MERTK: variants seen among roughly 807,000 people sequenced by gnomAD.
The protein encoded by MERTK is MER proto-oncogene, tyrosine kinase, also known as tyrosine-protein kinase Mer.
In MERTK, 69 loss-of-function variants were observed where a neutral mutation model predicts 99.3. The observed-to-expected ratio is 0.70, with a 90% CI of 0.57 to 0.85. The LOEUF (loss-of-function observed/expected upper bound fraction) is 0.85, where lower values mean the gene tolerates loss of function less well. Ranked by LOEUF, MERTK falls within the 40% of genes least tolerant of loss-of-function variation. MERTK has a pLI of 0.00. For missense variants in MERTK, 1,125 were observed against 1,249.4 expected (o/e 0.90, Z 1.50); for synonymous variants, 426 against 467.6 (o/e 0.91, Z 1.15).
intron 9 of MERTK, 150 bp from the exon 10 acceptor site, chr2:111,997,173 C>A (rs1172851217): frequency 1.3e-5 from 12 of 917,000 alleles, no homozygotes; most frequent in Non-Finnish European, 1.6e-5. Flanking sequence ...CGCATGGTCT[C>A]AGCTTACACA....
At position 111,939,654 on chromosome 2, in the gene MERTK, A is replaced by ATTT. The variant is rs1184269274; in HGVS notation, c.483-5280_483-5278dup. ...TGCCACCATGCCCAGCTAATTTTTAATTTTTTTTTTTTTTTTTTTTTTTTT... is the reference window on the plus strand; with the variant it reads ...TGCCACCATGCCCAGCTAATTTTTAATTTTTTTTTTTTTTTTTTTTTTTTTTTT... On this transcript the variant is annotated intron_variant, in intron 2 of 18. Coordinates refer to ENST00000295408, the MANE Select transcript of MERTK (RefSeq NM_006343.3). 3.2e-3 allele frequency among the ~76,000 whole-genome samples: 286 copies of ATTT among 88,258 alleles called. 18 individuals carry two copies. The highest frequency in any genetic ancestry group is 0.011 in the African/African-American group (232 of 21,832). The allele number at this position is 88,258 out of a possible 152,430, so 57.9% of individuals were successfully genotyped here. A position where few individuals can be genotyped will look rare whatever the true frequency, so the allele number is the denominator to read the frequency against.
intron 15 of MERTK, among the ~76,000 whole-genome samples, chr2:112,014,541 GC>G (rs931400600): frequency 4.8e-5 from 5 of 103,544 alleles, no homozygotes; most frequent in African/African-American, 1.5e-4. Flanking sequence ...GCATTTTGTA[GC>G]AAAAAAGATT....
intron 1 of MERTK, among the ~76,000 whole-genome samples, chr2:111,899,769 G>A (rs1684010220): frequency 6.6e-6 from 1 of 152,072 alleles, no homozygotes; most frequent in Non-Finnish European, 1.5e-5. Context: ...GCTCTCCTTG[G>A]CCTCCCAAAG....
At chr2:111,972,937 T>C (rs1676153385) in intron 6 of MERTK, among the ~76,000 whole-genome samples, 1 of 152,202 alleles carries the variant, frequency 6.6e-6, no homozygotes, top group Non-Finnish European at 1.5e-5. Context: ...TGTAAAATTA[T>C]AATTTTAAAC....
chr2:111,910,647 A>G (rs1471616273), intron 1 of MERTK, among the ~76,000 whole-genome samples: 7 of 151,612 alleles, frequency 4.6e-5, no homozygotes, highest in Non-Finnish European at 1.5e-5. Context: ...ATACTATTAA[A>G]TATTTAGCCA....
intron 16 of MERTK, 80 bp from the exon 17 acceptor site, chr2:112,021,341 GT>G: frequency 6.3e-7 from 1 of 1,595,140 alleles, no homozygotes; most frequent in South Asian, 1.1e-5. Context: ...TATCATAAGT[GT>G]TTTCACCTGT....
rs759796576 is a variant in MERTK, at chr2:111,983,000, C to G, written c.1296+7C>G. 1.6e-5 allele frequency: 26 copies of G among 1,609,796 alleles called. No homozygotes were observed. Among genetic ancestry groups the G allele is most frequent in the East Asian group, 2.2e-5 (1 of 44,856 alleles). On this transcript the variant is annotated splice_region_variant and intron_variant, in intron 8 of 18. Coordinates refer to ENST00000295408, the MANE Select transcript of MERTK (RefSeq NM_006343.3). ...GCAGAGTGCAGGGATTTCCGTAAGT[C>G]TAAACCCTAGAAGAGCACGATTAGT... is the stretch of plus-strand genomic sequence containing the variant.
intron 1 of MERTK, among the ~76,000 whole-genome samples, chr2:111,918,878 G>A (rs1466459268): frequency 6.6e-6 from 1 of 152,188 alleles, no homozygotes; most frequent in Admixed American, 6.5e-5. Context: ...CTGGTGAGCT[G>A]GAGGGTATGT....
intron 3 of MERTK, among the ~76,000 whole-genome samples, chr2:111,945,467 G>T (rs1016350241): frequency 6.6e-6 from 1 of 152,186 alleles, no homozygotes; most frequent in East Asian, 1.9e-4. Context: ...ATCTTTTCCT[G>T]TCTTGCCTAT....
At chr2:111,919,011 T>C (rs930873002) in intron 1 of MERTK, among the ~76,000 whole-genome samples, 1 of 152,164 alleles carries the variant, frequency 6.6e-6, no homozygotes, top group East Asian at 1.9e-4. Flanking sequence ...GGAGGGAAAC[T>C]GTCTCATTTT....
intron 15 of MERTK, 109 bp downstream of exon 15, chr2:112,010,175 T>G: frequency 1.1e-6 from 1 of 876,596 alleles, no homozygotes. Flanking sequence ...GAGAGGACGT[T>G]GACTTTTGTT....
chr2:111,932,552 TTTA>T (rs1436236547), intron 2 of MERTK, among the ~76,000 whole-genome samples: 1 of 152,208 alleles, frequency 6.6e-6, no homozygotes, highest in Non-Finnish European at 1.5e-5. Flanking sequence ...ATTCTTCAAC[TTTA>T]TTAAGATAAT....
In MERTK at chr2:111,945,953, T is replaced by A. The variant is rs562755596; in HGVS notation, c.583+893T>A. Reference sequence around the variant, plus strand: ...ATCCTGACCTTCCTTGTCACAGGCTTTAGAGCAGGTGATTAGCTTTTCAGT... The same window carrying A: ...ATCCTGACCTTCCTTGTCACAGGCTATAGAGCAGGTGATTAGCTTTTCAGT... On this transcript the variant is annotated intron_variant, in intron 3 of 18. Transcript: ENST00000295408. 4.6e-5 allele frequency among the ~76,000 whole-genome samples: 7 copies of A among 152,342 alleles called. No homozygotes were observed. In the South Asian group the frequency reaches 8.3e-4, roughly 18 times the overall value.
At chr2:111,967,507 T>G (rs1462589846) in intron 5 of MERTK, among the ~76,000 whole-genome samples, 4 of 152,174 alleles carry the variant, frequency 2.6e-5, no homozygotes, top group Non-Finnish European at 5.9e-5. Flanking sequence ...CCCATCTGTT[T>G]CCAAGGTCAT....
At chr2:111,967,683 C>T (rs1381374498) in intron 5 of MERTK, among the ~76,000 whole-genome samples, 1 of 152,166 alleles carries the variant, frequency 6.6e-6, no homozygotes, top group Non-Finnish European at 1.5e-5. Context: ...TGTGGCACCC[C>T]TCTCTTCTGG....
rs550617586 is a variant in MERTK, at chr2:111,914,339, G to A, written c.62-14781G>A. On this transcript the variant is annotated intron_variant, in intron 1 of 18. Coordinates refer to ENST00000295408, the MANE Select transcript of MERTK (RefSeq NM_006343.3). ...GTGGCCCAGGCTGGAGTGCAATGGT[G>A]CAATCACGGCTCACTGCAAGCTCTG... 6.6e-5 allele frequency among the ~76,000 whole-genome samples: 10 copies of A among 152,158 alleles called. No individual in the cohort carries two copies. The South Asian group carries it at 2.1e-3, about 32-fold the overall frequency.
chr2:111,934,341 A>T (rs1055123737), intron 2 of MERTK, among the ~76,000 whole-genome samples: 1 of 152,174 alleles, frequency 6.6e-6, no homozygotes, highest in African/African-American at 2.4e-5. Flanking sequence ...TCCCACCAAC[A>T]GTGTAAAAGT....
intron 6 of MERTK, among the ~76,000 whole-genome samples, chr2:111,969,987 T>A (rs368842088): frequency 4.6e-5 from 7 of 151,228 alleles, no homozygotes; most frequent in Non-Finnish European, 1.0e-4. Flanking sequence ...CACCGCGCCC[T>A]GCCCAGCCTT....
intron 6 of MERTK, 82 bp downstream of exon 6, chr2:111,968,334 C>T: frequency 9.1e-7 from 1 of 1,095,166 alleles, no homozygotes; most frequent in East Asian, 2.4e-5. Context: ...CAAGGATGGG[C>T]ATGGAGGGCA....
Sources: gnomAD v4.1 joint callset for allele counts (sites outside exome capture counted in the v4.1 genomes callset) on GRCh38, gnomAD v4.1.1 for gene constraint, MANE v1.5 for transcripts, NCBI Gene and HGNC (gene_info 2026-07-23, HGNC 2026-07-21) for gene names.